The following GFOD1 variants were observed in gnomAD, a reference collection of about 807,000 sequenced individuals.
The protein encoded by GFOD1 is Gfo/Idh/MocA-like oxidoreductase domain containing 1.
In GFOD1, 9 loss-of-function variants were observed where a neutral mutation model predicts 25.4. The ratio of observed to expected loss-of-function variants is 0.35; its 90% CI spans 0.21 to 0.62. The LOEUF is 0.62. Ranked by LOEUF, GFOD1 falls within the 20% of genes least tolerant of loss-of-function variation. The probability of loss-of-function intolerance (pLI) is 0.72; values close to 1 mark genes in which losing one functional copy is unlikely to be tolerated. For synonymous variants in GFOD1, 253 were observed against 245.6 expected, an observed-to-expected ratio of 1.03 and a Z score of -0.28; for missense variants, 403 against 556.9, an observed-to-expected ratio of 0.72 and a Z score of 2.78.
At position 13,403,361 on chromosome 6, in the gene GFOD1, G is replaced by A. The variant is rs534891042; in HGVS notation, c.254-37699C>T. On this transcript the variant is annotated intron_variant, in intron 1 of 1. Coordinates refer to ENST00000379287, the MANE Select transcript of GFOD1 (RefSeq NM_018988.4). Reference sequence around the variant, plus strand: ...GGCTGGTCTCAAACTCCTGACCTCAGGTGATCCGCCTGCCTCGGCCTCCCA... The same window carrying A: ...GGCTGGTCTCAAACTCCTGACCTCAAGTGATCCGCCTGCCTCGGCCTCCCA... Among the ~76,000 whole-genome samples, 7 of 152,176 alleles carry A rather than the reference G, an allele frequency of 4.6e-5. No homozygotes were observed. The South Asian group carries it at 1.5e-3, about 32-fold the overall frequency.
chr6:13,410,577 G>GGGGAGAGAGAGAGAGA (rs1398916063), intron 1 of GFOD1, among the ~76,000 whole-genome samples: 1 of 128,086 alleles, frequency 7.8e-6, no homozygotes, highest in Non-Finnish European at 1.6e-5. Context: ...AAGAAAGAAA[G>GGGGAGAGAGAGAGAGA]GAGAGAGAGA....
At position 13,392,359 on chromosome 6, in the gene GFOD1, AAAAAG is replaced by A. The variant is rs1015921654; in HGVS notation, c.254-26702_254-26698del. ...ACCCTATCTCAAAAAAAAAAAAAAA[AAAAAG>A]AAAAGAGAAAAAAGAAAATCTGTTT... On this transcript the variant is annotated intron_variant, in intron 1 of 1. Transcript: ENST00000379287. Among the ~76,000 whole-genome samples the A allele has an allele frequency of 2.6e-5, 4 of 151,852 alleles. No individual in the cohort carries two copies. The East Asian group carries it at 5.8e-4, about 22-fold the overall frequency.
At position 13,430,929 on chromosome 6, in the gene GFOD1, C is replaced by T. The variant is rs1050623151; in HGVS notation, c.253+55709G>A. 6.6e-6 allele frequency among the ~76,000 whole-genome samples: 1 copy of T among 152,186 alleles called. No homozygotes were observed. Among genetic ancestry groups the T allele is most frequent in the Non-Finnish European group, 1.5e-5 (1 of 68,038 alleles). ...CCCTCTCTACAGTCCAGCCATCATACGAATGCCTTATATGTGCTTCATCTC... is the reference window on the plus strand; with the variant it reads ...CCCTCTCTACAGTCCAGCCATCATATGAATGCCTTATATGTGCTTCATCTC... On this transcript the variant is annotated intron_variant, in intron 1 of 1. Transcript: ENST00000379287. This position sits in a 1 kb window ranked among gnomAD's most constrained non-coding sequence, Gnocchi z 4.1.
In GFOD1 at chr6:13,409,153, G is replaced by GAAAGAAAGAAAGAAAGAAAGAAAGAAA. The variant is rs368758101; in HGVS notation, c.254-43492_254-43491insTTTCTTTCTTTCTTTCTTTCTTTCTTT. The stretch of plus-strand genomic sequence containing the variant: ...AGAAAGAAAGAAAGAAAGAAAGAGA[G>GAAAGAAAGAAAGAAAGAAAGAAAGAAA]GAAAGAAAGAAAGGAAAGAGAGAGA... On this transcript the variant is annotated intron_variant, in intron 1 of 1. Coordinates refer to ENST00000379287, the MANE Select transcript of GFOD1 (RefSeq NM_018988.4). 1.8e-4 allele frequency among the ~76,000 whole-genome samples: 8 copies of GAAAGAAAGAAAGAAAGAAAGAAAGAAA among 44,508 alleles called. 1 individual carries two copies. The highest frequency in any genetic ancestry group is 6.1e-4 in the East Asian group (1 of 1,646). 29.2% of individuals were successfully genotyped at this position (44,508 alleles called of 152,430 possible).
At chr6:13,424,218 C>A (rs1382230055) in intron 1 of GFOD1, among the ~76,000 whole-genome samples, 1 of 152,158 alleles carries the variant, frequency 6.6e-6, no homozygotes, top group Non-Finnish European at 1.5e-5. Context: ...CACTCCATTG[C>A]TGAGCTCAGG....
chr6:13,423,394 A>G lies in GFOD1; in HGVS notation c.254-57732T>C, dbSNP rs556072115. 1.2e-3 allele frequency among the ~76,000 whole-genome samples: 176 copies of G among 152,306 alleles called. 1 individual carries two copies. The highest frequency in any genetic ancestry group is 2.0e-3 in the Non-Finnish European group (133 of 68,022). On this transcript the variant is annotated intron_variant, in intron 1 of 1. Coordinates refer to ENST00000379287, the MANE Select transcript of GFOD1 (RefSeq NM_018988.4). ...CCTGACACCATACCTGACACACAGG[A>G]AGCAACGTATAAATACCCAAACTCC...
chr6:13,478,296 C>A (rs1036280564), intron 1 of GFOD1, among the ~76,000 whole-genome samples: 2 of 152,026 alleles, frequency 1.3e-5, no homozygotes, highest in African/African-American at 4.8e-5. Flanking sequence ...CACAACACCA[C>A]TCCCAGCTAA....
At chr6:13,410,693 A>G (rs1447698294) in intron 1 of GFOD1, among the ~76,000 whole-genome samples, 1 of 152,068 alleles carries the variant, frequency 6.6e-6, no homozygotes, top group Non-Finnish European at 1.5e-5. Flanking sequence ...TTAATTACCC[A>G]ATATGCTGGC....
At chr6:13,451,391 C>A (rs1314305709) in intron 1 of GFOD1, among the ~76,000 whole-genome samples, 2 of 152,156 alleles carry the variant, frequency 1.3e-5, no homozygotes, top group African/African-American at 2.4e-5. Flanking sequence ...CCTGGCTGTG[C>A]AACCAGGCCT....
intron 1 of GFOD1, among the ~76,000 whole-genome samples, chr6:13,420,453 C>G (rs16874136): frequency 0.062 from 9,472 of 152,224 alleles, 373 homozygotes; most frequent in Middle Eastern, 0.12. Context: ...CTAGATACAG[C>G]TAGCTTGAGA....
intron 1 of GFOD1, among the ~76,000 whole-genome samples, chr6:13,385,239 C>T (rs986063055): frequency 7.2e-5 from 11 of 152,172 alleles, no homozygotes; most frequent in African/African-American, 2.7e-4. Flanking sequence ...CGTGTGCCAG[C>T]CTTCCGTGTA....
In GFOD1 at chr6:13,456,445, G is replaced by T. The variant is rs139143775; in HGVS notation, c.253+30193C>A. On this transcript the variant is annotated intron_variant, in intron 1 of 1. Coordinates refer to ENST00000379287, the MANE Select transcript of GFOD1 (RefSeq NM_018988.4). ...CCGCCTCGACTTCCCAAAGTGCTGG[G>T]ATTACAGGTGTGAGCCACCACACTT... 4.2e-3 allele frequency among the ~76,000 whole-genome samples: 642 copies of T among 152,282 alleles called. 4 individuals are homozygous for T. Among genetic ancestry groups the T allele is most frequent in the African/African-American group, 0.015 (625 of 41,560 alleles).
intron 1 of GFOD1, among the ~76,000 whole-genome samples, chr6:13,384,139 A>T (rs1232765937): frequency 6.6e-6 from 1 of 152,190 alleles, no homozygotes; most frequent in Non-Finnish European, 1.5e-5. Flanking sequence ...AGGCAGGAGA[A>T]TCACTTGAAC....
At chr6:13,400,242 A>G (rs142611678) in intron 1 of GFOD1, among the ~76,000 whole-genome samples, 4 of 152,336 alleles carry the variant, frequency 2.6e-5, no homozygotes, top group Non-Finnish European at 5.9e-5. Context: ...AAATGTTAAA[A>G]TATCTATTTA....
chr6:13,390,363 G>A (rs529944725), intron 1 of GFOD1, among the ~76,000 whole-genome samples: 5 of 152,088 alleles, frequency 3.3e-5, no homozygotes, highest in Non-Finnish European at 7.4e-5. Context: ...GGCCGAGGCA[G>A]GAGGATCACT....
chr6:13,448,328 G>C (rs1210215130), intron 1 of GFOD1, among the ~76,000 whole-genome samples: 1 of 152,172 alleles, frequency 6.6e-6, no homozygotes, highest in East Asian at 1.9e-4. Context: ...AAGTGATGGT[G>C]AGGGCTTCAG....
At chr6:13,380,281 G>A (rs9474061) in intron 1 of GFOD1, among the ~76,000 whole-genome samples, 8,336 of 152,272 alleles carry the variant, frequency 0.055, 751 homozygotes, top group African/African-American at 0.19. Flanking sequence ...TGTTAAGACT[G>A]CTGACAGTAT....
intron 1 of GFOD1, chr6:13,469,198 C>T (rs1214475079): frequency 7.2e-6 from 7 of 978,930 alleles, no homozygotes; most frequent in Non-Finnish European, 1.2e-6. Context: ...CTAAAGAATC[C>T]CTGTTGGTAA....
intron 1 of GFOD1, among the ~76,000 whole-genome samples, chr6:13,369,448 A>G (rs1057421211): frequency 6.6e-6 from 1 of 152,148 alleles, no homozygotes; most frequent in Non-Finnish European, 1.5e-5. Flanking sequence ...AGTTTTGGGG[A>G]GATCACTTGA....
Sources: gnomAD v4.1 joint callset for allele counts (sites outside exome capture counted in the v4.1 genomes callset) on GRCh38, gnomAD v4.1.1 for gene constraint, Gnocchi (gnomAD v3.1) non-coding constraint, MANE v1.5 for transcripts, NCBI Gene and HGNC (gene_info 2026-07-23, HGNC 2026-07-21) for gene names.